The following SMIM7 variants were observed in gnomAD, a reference collection of about 807,000 sequenced individuals.
The protein encoded by SMIM7 is small integral membrane protein 7, also known as UPF0608 protein C19orf42.
Under a neutral mutation model 13.3 loss-of-function variants are expected in SMIM7, and 12 were observed. That is an observed-to-expected ratio of 0.90 (90% CI 0.58 to 1.46). The LOEUF (loss-of-function observed/expected upper bound fraction) is 1.46. SMIM7 is among the 40% of genes most tolerant of loss of function. SMIM7 has a pLI of 0.00. For synonymous variants in SMIM7, 36 were observed against 35.8 expected (o/e 1.01, Z -0.02); for missense variants, 114 against 94.8 (o/e 1.20, Z -0.84).
downstream of SMIM7, among the ~76,000 whole-genome samples, chr19:16,643,023 C>T (rs900080763): frequency 7.9e-5 from 12 of 151,828 alleles, no homozygotes; most frequent in Non-Finnish European, 1.2e-4. Context: ...GGGGTTTCAT[C>T]GAACTCCTGA....
chr19:16,647,159 G>C lies in SMIM7; in HGVS notation c.*87C>G. The C allele has an allele frequency of 6.3e-7, 1 of 1,576,234 alleles. No homozygotes were observed. On this transcript the variant is annotated 3_prime_UTR_variant, in exon 5 of 5. Transcript: ENST00000487416. ...TTCTGGGAAGGTTGTCGGTTTTCTGGTCAAAAACATTCTTGAAGTCATCAG... is the reference window on the plus strand; with the variant it reads ...TTCTGGGAAGGTTGTCGGTTTTCTGCTCAAAAACATTCTTGAAGTCATCAG...
At chr19:16,639,252 A>G (rs954833901) in intron 4 of SMIM7, among the ~76,000 whole-genome samples, 4 of 150,764 alleles carry the variant, frequency 2.7e-5, no homozygotes, top group African/African-American at 9.8e-5. Context: ...CCTCCCGAGT[A>G]GCTGGGATTA....
At chr19:16,641,662 A>T (rs2086404920), downstream of SMIM7, among the ~76,000 whole-genome samples, 1 of 151,750 alleles carries the variant, frequency 6.6e-6, no homozygotes, top group South Asian at 2.1e-4. Flanking sequence ...GCAGTGGAAA[A>T]ATCTCGGCTC....
intron 4 of SMIM7, chr19:16,652,963 T>C (rs1439014050): frequency 6.5e-7 from 1 of 1,550,308 alleles, no homozygotes; most frequent in Non-Finnish European, 8.7e-7. Context: ...TTTCTCAGCC[T>C]AATGAGAAAA....
chr19:16,653,774 A>G (rs1235125727), intron 4 of SMIM7: 5 of 467,146 alleles, frequency 1.1e-5, no homozygotes, highest in Non-Finnish European at 1.9e-5. Context: ...ACGCACCTGT[A>G]GTCCCAGTTA....
chr19:16,657,150 A>G (rs1229807561), intron 3 of SMIM7, among the ~76,000 whole-genome samples: 1 of 152,152 alleles, frequency 6.6e-6, no homozygotes, highest in African/African-American at 2.4e-5. Context: ...CTCTCAACAA[A>G]TGCAGCCACT....
At position 16,660,102 on chromosome 19, in the gene SMIM7, T is replaced by TC; in HGVS notation, c.8dup (p.Asp4ArgfsTer19). 6.2e-7 allele frequency: 1 copy of TC among 1,614,148 alleles called. No homozygotes were observed. The highest frequency in any genetic ancestry group is 8.5e-7 in the Non-Finnish European group (1 of 1,180,030). On this transcript the variant is annotated frameshift_variant, in exon 1 of 5. Coordinates refer to ENST00000487416, the MANE Select transcript of SMIM7 (RefSeq NM_024104.4). LOFTEE classifies it high-confidence loss of function. ...CTAATTACCCGAACAGCAGGATGTC[T>TC]CCGATCATCGTTACGGCCGAAGCGT...
At chr19:16,656,836 T>C (rs1370112783) in intron 3 of SMIM7, among the ~76,000 whole-genome samples, 1 of 151,628 alleles carries the variant, frequency 6.6e-6, no homozygotes, top group African/African-American at 2.4e-5. Flanking sequence ...GAAGCGGAGA[T>C]TGCAGGGAGC....
At chr19:16,643,412 T>C (rs185320549), downstream of SMIM7, among the ~76,000 whole-genome samples, 1 of 152,332 alleles carries the variant, frequency 6.6e-6, no homozygotes, top group Admixed American at 6.5e-5. Context: ...AAAAAAATTT[T>C]TCTTTTTTGA....
intron 3 of SMIM7, chr19:16,655,441 G>A (rs1042783785): frequency 3.1e-5 from 14 of 454,320 alleles, no homozygotes; most frequent in South Asian, 1.4e-4. Context: ...AGCACTTCAG[G>A]AGGCCGAGGC....
intron 4 of SMIM7, among the ~76,000 whole-genome samples, chr19:16,633,244 G>C (rs2086334893): frequency 1.3e-5 from 2 of 151,658 alleles, no homozygotes; most frequent in Non-Finnish European, 2.9e-5. Context: ...ATCACCTGAG[G>C]TCAGGAGTTC....
At chr19:16,633,043 A>G (rs2088040945) in intron 4 of SMIM7, among the ~76,000 whole-genome samples, 1 of 152,238 alleles carries the variant, frequency 6.6e-6, no homozygotes. Flanking sequence ...ATAAACTGTG[A>G]TTAGTTCCCC....
chr19:16,659,657 T>C, intron 2 of SMIM7: 1 of 661,104 alleles, frequency 1.5e-6, no homozygotes, highest in Non-Finnish European at 2.6e-6. Flanking sequence ...GTTTACAAAG[T>C]GGCCCGACAG....
chr19:16,642,056 C>T (rs2086408115), downstream of SMIM7, among the ~76,000 whole-genome samples: 1 of 152,182 alleles, frequency 6.6e-6, no homozygotes, highest in South Asian at 2.1e-4. Flanking sequence ...CCAACATGAA[C>T]CCCAAGTGAA....
intron 4 of SMIM7, among the ~76,000 whole-genome samples, chr19:16,637,392 A>T (rs949650608): frequency 6.6e-6 from 1 of 152,116 alleles, no homozygotes; most frequent in African/African-American, 2.4e-5. Context: ...ATGTGCCTGT[A>T]GTCCCAGGAG....
downstream of SMIM7, among the ~76,000 whole-genome samples, chr19:16,642,246 C>T (rs866794151): frequency 1.1e-4 from 17 of 152,250 alleles, no homozygotes; most frequent in African/African-American, 3.9e-4. Flanking sequence ...TTTACAATGG[C>T]GTATTTGCAG....
At chr19:16,638,295 TTTTTTC>T (rs1387617378) in intron 4 of SMIM7, among the ~76,000 whole-genome samples, 2 of 143,450 alleles carry the variant, frequency 1.4e-5, no homozygotes, top group African/African-American at 5.1e-5. Context: ...ACCTCTTTTC[TTTTTTC>T]TTTTTTTTTT....
chr19:16,638,182 C>T (rs2086374289), intron 4 of SMIM7, among the ~76,000 whole-genome samples: 1 of 151,966 alleles, frequency 6.6e-6, no homozygotes, highest in African/African-American at 2.4e-5. Context: ...CAGGAAGAAT[C>T]ACTTAAAGCC....
chr19:16,656,830 C>T (rs1050497600), intron 3 of SMIM7, among the ~76,000 whole-genome samples: 9 of 151,486 alleles, frequency 5.9e-5, no homozygotes, highest in Non-Finnish European at 4.4e-5. Context: ...ACCCAGGAAG[C>T]GGAGATTGCA....
Sources: gnomAD v4.1 joint callset for allele counts (sites outside exome capture counted in the v4.1 genomes callset) on GRCh38, gnomAD v4.1.1 for gene constraint, MANE v1.5 for transcripts, NCBI Gene and HGNC (gene_info 2026-07-23, HGNC 2026-07-21) for gene names.